DMD: variants seen among roughly 807,000 people sequenced by gnomAD.
The protein encoded by DMD is dystrophin, also known as mutant dystrophin.
A neutral mutation model predicts 330.1 loss-of-function variants in DMD; 63 were observed. That is an observed-to-expected ratio of 0.19 (90% confidence interval 0.16 to 0.24). DMD has a LOEUF of 0.24. Among genes scored for constraint, DMD ranks in the 10% least tolerant of loss-of-function variants. DMD has a pLI of 1.00. For missense variants in DMD, 3,344 were observed against 2,684.1 expected (o/e 1.25, Z -5.43); for synonymous variants, 1,223 against 959.8 (o/e 1.27, Z -5.07).
At chrX:32,033,643 A>C (rs1230225117) in intron 44 of DMD, among the ~76,000 whole-genome samples, 1 of 46,117 alleles carries the variant, frequency 2.2e-5, no homozygotes, top group Non-Finnish European at 3.7e-5. Context: ...GAAAGAAAGA[A>C]AGAAAGAAAG....
At chrX:32,776,571 G>A (rs1687292867) in intron 7 of DMD, among the ~76,000 whole-genome samples, 1 of 110,712 alleles carries the variant, frequency 9.0e-6, no homozygotes, top group Non-Finnish European at 1.9e-5. Flanking sequence ...CGGGGGGAAG[G>A]CTGTCAAATA....
intron 1 of DMD, among the ~76,000 whole-genome samples, chrX:33,146,989 A>T (rs1350205940): frequency 2.7e-5 from 3 of 109,260 alleles, no homozygotes; most frequent in Non-Finnish European, 3.8e-5. Flanking sequence ...CACCTGGCTA[A>T]TTTTTTTATT....
At chrX:33,044,960 T>C (rs367984376) in intron 1 of DMD, among the ~76,000 whole-genome samples, 6 of 111,644 alleles carry the variant, frequency 5.4e-5, no homozygotes, top group East Asian at 5.6e-4. Flanking sequence ...TCATAAGTTG[T>C]ACTATGCATG....
chrX:32,415,800 A>C (rs1432621547), intron 29 of DMD, among the ~76,000 whole-genome samples: 2 of 112,465 alleles, frequency 1.8e-5, no homozygotes. Context: ...AGTAATGGTT[A>C]CCAAGAAAAA....
intron 48 of DMD, among the ~76,000 whole-genome samples, chrX:31,870,488 A>G (rs1330396027): frequency 8.9e-6 from 1 of 111,941 alleles, no homozygotes; most frequent in African/African-American, 3.2e-5. Context: ...CCCTCCTGAT[A>G]TCTAGTACTT....
chrX:32,055,668 T>G (rs1463498897), intron 44 of DMD, among the ~76,000 whole-genome samples: 1 of 111,915 alleles, frequency 8.9e-6, no homozygotes, highest in African/African-American at 3.2e-5. Flanking sequence ...AAAAAAATTC[T>G]TCAAAAGTAA....
chrX:32,027,847 G>A (rs2095857791), intron 44 of DMD, among the ~76,000 whole-genome samples: 1 of 112,458 alleles, frequency 8.9e-6, no homozygotes, highest in South Asian at 3.7e-4. Context: ...TATACAACTT[G>A]TTCTTTCATC....
intron 43 of DMD, among the ~76,000 whole-genome samples, chrX:32,241,908 G>A (rs906192023): frequency 6.3e-5 from 7 of 110,907 alleles, no homozygotes; most frequent in Non-Finnish European, 1.1e-4. Context: ...ATACCCAATA[G>A]AGGGACCACT....
At chrX:32,655,349 A>T (rs12396633) in intron 9 of DMD, among the ~76,000 whole-genome samples, 6,377 of 111,778 alleles carry the variant, frequency 0.057, 448 homozygotes, top group African/African-American at 0.2. Context: ...CTTTGTTCTC[A>T]TTGGTTTCAA....
rs73617069 is a variant in DMD at position 31,287,085 on chromosome X, T to C, written c.9225-26069A>G. On this transcript the variant is annotated intron_variant, in intron 62 of 78. Coordinates refer to ENST00000357033, the MANE Select transcript of DMD (RefSeq NM_004006.3). ...CCTGTCCCTGTTTCTCCACTTTGTA[T>C]TGGAATGCTTTTATTTGAATATGAT... Among the ~76,000 whole-genome samples the C allele has an allele frequency of 3.8e-3, 432 of 112,413 alleles. 1 individual carries two copies. Among genetic ancestry groups the C allele is most frequent in the African/African-American group, 0.013 (402 of 30,980 alleles).
chrX:31,536,012 A>T (rs969285685), intron 55 of DMD, among the ~76,000 whole-genome samples: 5 of 112,025 alleles, frequency 4.5e-5, no homozygotes, highest in African/African-American at 1.3e-4. Context: ...AAAGGGTAAA[A>T]CTGTTTGCAC....
At chrX:32,668,946 T>G (rs1319508691) in intron 9 of DMD, among the ~76,000 whole-genome samples, 1 of 111,441 alleles carries the variant, frequency 9.0e-6, no homozygotes, top group East Asian at 2.8e-4. Flanking sequence ...ATTTTTGTCC[T>G]GAAAAATCAA....
At chrX:32,405,372 C>T (rs958279772) in intron 30 of DMD, among the ~76,000 whole-genome samples, 3 of 111,380 alleles carry the variant, frequency 2.7e-5, no homozygotes, top group African/African-American at 9.8e-5. Context: ...CACACAATTT[C>T]GTGATTTAAT....
intron 11 of DMD, among the ~76,000 whole-genome samples, chrX:32,642,951 T>C (rs1266743784): frequency 9.0e-6 from 1 of 111,250 alleles, no homozygotes; most frequent in Admixed American, 9.6e-5. Context: ...CAAATAGAAG[T>C]TCTAACCTGA....
intron 62 of DMD, among the ~76,000 whole-genome samples, chrX:31,289,902 A>T (rs1220680251): frequency 1.3e-4 from 1 of 7,715 alleles, no homozygotes; most frequent in Non-Finnish European, 2.4e-4. Context: ...TATTCTGTTT[A>T]TTATTATTAT....
chrX:31,644,547 G>C (rs1372295714), intron 54 of DMD, among the ~76,000 whole-genome samples: 1 of 111,696 alleles, frequency 9.0e-6, no homozygotes, highest in African/African-American at 3.3e-5. Flanking sequence ...CGTTCATTTA[G>C]AATATGGGAC....
At chrX:32,799,388 A>C (rs2076385496) in intron 7 of DMD, among the ~76,000 whole-genome samples, 1 of 111,585 alleles carries the variant, frequency 9.0e-6, no homozygotes, top group Admixed American at 9.6e-5. Flanking sequence ...TTTGTTCTAA[A>C]GTTACCCTGG....
intron 60 of DMD, among the ~76,000 whole-genome samples, chrX:31,393,004 G>A (rs1303760944): frequency 1.8e-5 from 2 of 111,843 alleles, no homozygotes; most frequent in Non-Finnish European, 3.8e-5. Context: ...GGATAACAAG[G>A]TACCTCATTC....
chrX:33,284,735 T>C (rs201404802), intron 1 of DMD, among the ~76,000 whole-genome samples: 2 of 13,013 alleles, frequency 1.5e-4, no homozygotes. Flanking sequence ...AAAATCATCT[T>C]TTTTTTTTTG....
Sources: allele counts gnomAD v4.1 joint callset (sites outside exome capture counted in the v4.1 genomes callset), GRCh38; gene constraint gnomAD v4.1.1; transcripts MANE v1.5; gene names NCBI Gene and HGNC (gene_info 2026-07-23, HGNC 2026-07-21).